Variants in AFG1L observed in about 807,000 individuals in gnomAD.
AFG1L encodes the protein AFG1 like ATPase, also known as AFG1-like ATPase.
In AFG1L, 53 loss-of-function variants were observed where a neutral mutation model predicts 62.2. The ratio of observed to expected loss-of-function variants is 0.85; its 90% CI spans 0.68 to 1.07. The LOEUF is 1.07. Among genes scored for constraint, AFG1L ranks in the 50% least tolerant of loss-of-function variants. The probability of loss-of-function intolerance (pLI) is 0.00; values close to 1 mark genes in which losing one functional copy is unlikely to be tolerated. For synonymous variants in AFG1L, 228 were observed against 210.3 expected (o/e 1.08, Z -0.73); for missense variants, 555 against 590.5 (o/e 0.94, Z 0.62).
At chr6:108,309,477 C>T (rs1038652502) in intron 1 of AFG1L, among the ~76,000 whole-genome samples, 5 of 152,174 alleles carry the variant, frequency 3.3e-5, no homozygotes, top group Admixed American at 1.3e-4. Flanking sequence ...ATACCATCGC[C>T]ATTAGCCACA....
At chr6:108,381,115 AT>A (rs538832073) in intron 6 of AFG1L, among the ~76,000 whole-genome samples, 33 of 152,338 alleles carry the variant, frequency 2.2e-4, no homozygotes, top group African/African-American at 7.2e-4. Flanking sequence ...AAAAACACTC[AT>A]TTTATATTTC....
intron 2 of AFG1L, among the ~76,000 whole-genome samples, chr6:108,339,350 G>C (rs1010382463): frequency 9.2e-5 from 14 of 152,026 alleles, no homozygotes; most frequent in Admixed American, 3.3e-4. Context: ...ATGTTGGCCA[G>C]GGTGGTCTCA....
At chr6:108,431,248 C>G (rs970540909) in intron 7 of AFG1L, among the ~76,000 whole-genome samples, 2 of 151,902 alleles carry the variant, frequency 1.3e-5, no homozygotes, top group African/African-American at 4.8e-5. Flanking sequence ...GGATTAGAGG[C>G]ACCTGCCACC....
At chr6:108,393,703 A>G (rs1781163915) in intron 6 of AFG1L, among the ~76,000 whole-genome samples, 1 of 152,204 alleles carries the variant, frequency 6.6e-6, no homozygotes, top group African/African-American at 2.4e-5. Flanking sequence ...TTATTCTACA[A>G]GTAGGACCAA....
At chr6:108,330,326 C>T (rs1019427210) in intron 2 of AFG1L, among the ~76,000 whole-genome samples, 1 of 151,898 alleles carries the variant, frequency 6.6e-6, no homozygotes, top group Admixed American at 6.6e-5. Context: ...CAGGTGCATG[C>T]CACCACGCCC....
intron 7 of AFG1L, among the ~76,000 whole-genome samples, chr6:108,424,419 C>T (rs1770727428): frequency 6.6e-6 from 1 of 151,962 alleles, no homozygotes; most frequent in South Asian, 2.1e-4. Context: ...CCAAATAGCT[C>T]ATATTATTAT....
At chr6:108,377,041 A>C (rs1780277941) in intron 6 of AFG1L, among the ~76,000 whole-genome samples, 1 of 151,842 alleles carries the variant, frequency 6.6e-6, no homozygotes, top group Non-Finnish European at 1.5e-5. Context: ...TAATCTGATA[A>C]TAAGATTTTT....
chr6:108,298,027 A>G lies in AFG1L; in HGVS notation c.139+2809A>G, dbSNP rs558720098. ...TCTGTTTCATAATTTAATCTTCATA[A>G]AACTCTATAAAAATTATTGTCTTTA... On this transcript the variant is annotated intron_variant, in intron 1 of 12. Transcript: ENST00000368977. Among the ~76,000 whole-genome samples, 20 of 152,170 alleles carry G rather than the reference A, an allele frequency of 1.3e-4. No homozygotes were observed. The South Asian group carries it at 4.1e-3, about 32-fold the overall frequency.
At chr6:108,519,255 G>C (rs75440586) in intron 11 of AFG1L, among the ~76,000 whole-genome samples, 3,603 of 152,278 alleles carry the variant, frequency 0.024, 147 homozygotes, top group African/African-American at 0.082. Flanking sequence ...CATGCATGAA[G>C]GCAGAGCCTC....
intron 1 of AFG1L, among the ~76,000 whole-genome samples, chr6:108,297,449 C>G (rs1255280829): frequency 1.3e-5 from 2 of 152,138 alleles, no homozygotes; most frequent in African/African-American, 4.8e-5. Flanking sequence ...AAATTTTGTT[C>G]AGTATTCAGA....
intron 8 of AFG1L, among the ~76,000 whole-genome samples, chr6:108,469,978 C>T (rs1582631896): frequency 6.6e-6 from 1 of 152,122 alleles, no homozygotes; most frequent in Non-Finnish European, 1.5e-5. Context: ...TATTTTCAAA[C>T]AAATACCCGT....
intron 2 of AFG1L, among the ~76,000 whole-genome samples, chr6:108,332,048 G>A (rs1458455953): frequency 6.6e-6 from 1 of 152,130 alleles, no homozygotes; most frequent in Non-Finnish European, 1.5e-5. Flanking sequence ...AATGCATGAG[G>A]CAGATGGAAA....
chr6:108,341,067 C>T (rs1055194637), intron 2 of AFG1L, among the ~76,000 whole-genome samples: 4 of 152,126 alleles, frequency 2.6e-5, no homozygotes, highest in East Asian at 1.9e-4. Context: ...CCTCTCTGCA[C>T]GACTGTCAGA....
At chr6:108,477,100 T>C (rs1773135202) in intron 9 of AFG1L, 92 bp from the exon 10 acceptor site, 2 of 1,004,584 alleles carry the variant, frequency 2.0e-6, no homozygotes, top group East Asian at 2.4e-5. Flanking sequence ...TCATGTGCTA[T>C]TATTCATCAA....
At chr6:108,386,468 AAAAAGAAAAG>A (rs992699558) in intron 6 of AFG1L, among the ~76,000 whole-genome samples, 10 of 152,124 alleles carry the variant, frequency 6.6e-5, no homozygotes, top group Admixed American at 4.6e-4. Flanking sequence ...TCTCAAAAAA[AAAAAGAAAAG>A]AAAAGAAAAG....
intron 6 of AFG1L, among the ~76,000 whole-genome samples, chr6:108,377,107 C>T (rs79869270): frequency 6.7e-6 from 1 of 149,248 alleles, no homozygotes; most frequent in Admixed American, 6.7e-5. Flanking sequence ...GTAGATCTTT[C>T]TCCACCCCTT....
intron 7 of AFG1L, among the ~76,000 whole-genome samples, chr6:108,429,400 G>C (rs1212402087): frequency 2.0e-5 from 3 of 152,086 alleles, no homozygotes; most frequent in African/African-American, 7.2e-5. Flanking sequence ...AAAACCATCA[G>C]ATCTTGTGGA....
chr6:108,480,791 CAATA>C (rs549105207), intron 10 of AFG1L, among the ~76,000 whole-genome samples: 80 of 151,984 alleles, frequency 5.3e-4, no homozygotes, highest in African/African-American at 1.7e-3. Flanking sequence ...GACTCTGTCT[CAATA>C]AATAAATAAA....
At chr6:108,313,386 A>C (rs1777482519) in intron 1 of AFG1L, among the ~76,000 whole-genome samples, 1 of 152,178 alleles carries the variant, frequency 6.6e-6, no homozygotes, top group South Asian at 2.1e-4. Context: ...GAATCAGTTA[A>C]TGTACAGACA....
Sources: allele counts gnomAD v4.1 joint callset (sites outside exome capture counted in the v4.1 genomes callset), GRCh38; gene constraint gnomAD v4.1.1; transcripts MANE v1.5; gene names NCBI Gene and HGNC (gene_info 2026-07-23, HGNC 2026-07-21).